Variants in KDM6A observed in about 807,000 individuals in gnomAD.
KDM6A encodes lysine-specific demethylase 6A.
KDM6A carries 11 observed loss-of-function variants against 117.6 expected under a neutral mutation model. That is an observed-to-expected ratio of 0.09 (90% CI 0.06 to 0.15). The LOEUF (loss-of-function observed/expected upper bound fraction) is 0.15, where lower values mean the gene tolerates loss of function less well. Ranked by LOEUF, KDM6A falls within the 10% of genes least tolerant of loss-of-function variation. The pLI is 1.00. For synonymous variants in KDM6A, 384 were observed against 396.1 expected (o/e 0.97, Z 0.36); for missense variants, 799 against 1,077.3 (o/e 0.74, Z 3.62).
At chrX:44,974,592 T>G (rs2039528413) in intron 3 of KDM6A, 74 bp from the exon 4 acceptor site, 2 of 705,756 alleles carry the variant, frequency 2.8e-6, no homozygotes, top group East Asian at 6.4e-5. Context: ...GGGAATCTTG[T>G]TACCGTGTTT....
At chrX:45,058,664 A>G (rs1301234893) in intron 10 of KDM6A, among the ~76,000 whole-genome samples, 4 of 110,757 alleles carry the variant, frequency 3.6e-5, no homozygotes, top group Non-Finnish European at 7.6e-5. Flanking sequence ...AAGCTGTATA[A>G]GAAGAGTGGA....
chrX:44,984,738 T>A (rs768836464), intron 4 of KDM6A, among the ~76,000 whole-genome samples: 1 of 111,689 alleles, frequency 9.0e-6, no homozygotes, highest in South Asian at 3.8e-4. Context: ...GCAGCATTAT[T>A]TCTGAGGGCT....
At chrX:44,928,075 A>G (rs199726789) in intron 2 of KDM6A, among the ~76,000 whole-genome samples, 1 of 112,236 alleles carries the variant, frequency 8.9e-6, no homozygotes, top group East Asian at 2.8e-4. Flanking sequence ...AGACAATACA[A>G]TGCAAAACAT....
intron 2 of KDM6A, among the ~76,000 whole-genome samples, chrX:44,878,881 C>G (rs780034770): frequency 9.1e-6 from 1 of 110,469 alleles, no homozygotes; most frequent in Non-Finnish European, 1.9e-5. Context: ...GCCACCACAC[C>G]CGGCTAATTT....
chrX:44,948,427 G>A (rs1602305598), intron 2 of KDM6A, among the ~76,000 whole-genome samples: 1 of 111,737 alleles, frequency 8.9e-6, no homozygotes, highest in Non-Finnish European at 1.9e-5. Flanking sequence ...TGAGAGAAGG[G>A]GGAAATTAAA....
At chrX:44,979,308 A>G (rs1448780840) in intron 4 of KDM6A, among the ~76,000 whole-genome samples, 1 of 109,133 alleles carries the variant, frequency 9.2e-6, no homozygotes, top group Admixed American at 9.8e-5. Flanking sequence ...TTTCCTCCTC[A>G]GTCTTTTTAA....
At chrX:44,938,015 G>T (rs1340655930) in intron 2 of KDM6A, among the ~76,000 whole-genome samples, 1 of 111,708 alleles carries the variant, frequency 9.0e-6, no homozygotes, top group African/African-American at 3.3e-5. Context: ...TCACTTTGTT[G>T]CCCAGGCTGG....
intron 2 of KDM6A, among the ~76,000 whole-genome samples, chrX:44,942,825 A>G (rs1425180816): frequency 2.7e-5 from 3 of 110,556 alleles, no homozygotes; most frequent in Non-Finnish European, 3.8e-5. Flanking sequence ...TAAAATTTCA[A>G]ATTCCAATTG....
intron 2 of KDM6A, among the ~76,000 whole-genome samples, chrX:44,918,483 G>A (rs1203831443): frequency 9.0e-6 from 1 of 111,409 alleles, no homozygotes; most frequent in Non-Finnish European, 1.9e-5. Flanking sequence ...TGTTAGCATT[G>A]CTTGTCAGTA....
At chrX:45,053,707 C>T (rs756529248) in intron 9 of KDM6A, 122 bp from the exon 10 acceptor site, 7 of 590,164 alleles carry the variant, frequency 1.2e-5, no homozygotes, top group Non-Finnish European at 1.9e-5. Context: ...ATATGTACTC[C>T]AAACTAAATT....
chrX:45,051,515 G>A (rs893534908), intron 8 of KDM6A, among the ~76,000 whole-genome samples, 194 bp from the exon 9 acceptor site: 3 of 112,029 alleles, frequency 2.7e-5, no homozygotes, highest in African/African-American at 9.7e-5. Context: ...TTTTACTGGT[G>A]TTAGGTACTC....
chrX:44,911,473 G>T (rs896321933), intron 2 of KDM6A, among the ~76,000 whole-genome samples: 45 of 110,684 alleles, frequency 4.1e-4, no homozygotes, highest in African/African-American at 1.5e-3. Context: ...ACGATGGGCG[G>T]CCAGGCAGAG....
At chrX:45,027,796 CT>C (rs753896163) in intron 6 of KDM6A, among the ~76,000 whole-genome samples, 174 of 99,506 alleles carry the variant, frequency 1.7e-3, no homozygotes, top group Non-Finnish European at 1.9e-3. Flanking sequence ...TTTTTTGGTA[CT>C]TTTTTTTTTT....
chrX:45,009,216 A>G (rs1296607553), intron 4 of KDM6A, among the ~76,000 whole-genome samples: 1 of 112,146 alleles, frequency 8.9e-6, no homozygotes, highest in Non-Finnish European at 1.9e-5. Flanking sequence ...TCTTGATTAT[A>G]TGCTAAACAA....
chrX:44,998,672 G>A (rs2040987507), intron 4 of KDM6A, among the ~76,000 whole-genome samples: 1 of 111,231 alleles, frequency 9.0e-6, no homozygotes, highest in African/African-American at 3.3e-5. Flanking sequence ...CCCCAACTGT[G>A]TATCACTAGG....
intron 3 of KDM6A, among the ~76,000 whole-genome samples, chrX:44,966,885 TTTG>T (rs1267267146): frequency 9.5e-6 from 1 of 105,281 alleles, no homozygotes; most frequent in African/African-American, 3.5e-5. Flanking sequence ...TTTTTTTTTT[TTTG>T]AGACAGAGTC....
rs2044105044 is a variant in KDM6A at position 45,057,098 on chromosome X, C to T, written c.876-1908C>T. Among the ~76,000 whole-genome samples, 4 of 111,568 alleles carry T rather than the reference C, an allele frequency of 3.6e-5. No individual in the cohort carries two copies. The South Asian group carries it at 1.5e-3, about 42-fold the overall frequency. ...GGATTAGTGATTCCTTAGGCTTTTA[C>T]TTCTCCCTTTAGATGTCCTGTGTTT... On this transcript the variant is annotated intron_variant, in intron 10 of 29. Coordinates refer to ENST00000611820, the MANE Select transcript of KDM6A (RefSeq NM_001291415.2).
chrX:44,983,845 A>G (rs1402168540), intron 4 of KDM6A, among the ~76,000 whole-genome samples: 2 of 109,341 alleles, frequency 1.8e-5, no homozygotes, highest in Non-Finnish European at 3.8e-5. Flanking sequence ...AGTCTTTGCT[A>G]TTGTGAATAG....
In KDM6A at chrX:44,916,069, C is replaced by T. The variant is rs919775835; in HGVS notation, c.225+42082C>T. 1.8e-4 allele frequency among the ~76,000 whole-genome samples: 20 copies of T among 110,958 alleles called. No individual in the cohort carries two copies. The Admixed American group carries it at 1.8e-3, about 10-fold the overall frequency. On this transcript the variant is annotated intron_variant, in intron 2 of 29. Coordinates refer to ENST00000611820, the MANE Select transcript of KDM6A (RefSeq NM_001291415.2). ...TTCTATTTTATTAGTTATTGTTAAT[C>T]TATTGTGCCTAGTTTATAAGTTAAA... is the stretch of plus-strand genomic sequence containing the variant.
Sources: gnomAD v4.1 joint callset for allele counts (sites outside exome capture counted in the v4.1 genomes callset) on GRCh38, gnomAD v4.1.1 for gene constraint, MANE v1.5 for transcripts, NCBI Gene and HGNC (gene_info 2026-07-23, HGNC 2026-07-21) for gene names.